Variants in ZNF81 observed in about 807,000 individuals in gnomAD.
ZNF81 encodes the protein zinc finger protein 81 (HFZ20).
In ZNF81, 5 loss-of-function variants were observed where a neutral mutation model predicts 32.3. The observed-to-expected ratio is 0.15, with a 90% CI of 0.08 to 0.33. ZNF81 has a LOEUF of 0.33. Ranked by LOEUF, ZNF81 falls within the 10% of genes least tolerant of loss-of-function variation. The pLI, the probability that ZNF81 is intolerant of heterozygous loss-of-function variation, is 1.00. For synonymous variants in ZNF81, 163 were observed against 166.8 expected (o/e 0.98, Z 0.17); for missense variants, 379 against 479.8 (o/e 0.79, Z 1.96).
chrX:47,863,561 T>C (rs1352918285), intron 2 of ZNF81, among the ~76,000 whole-genome samples: 1 of 112,245 alleles, frequency 8.9e-6, no homozygotes, highest in Non-Finnish European at 1.9e-5. Context: ...TTCCAAATTC[T>C]GGCCAGGAGA....
At chrX:47,896,642 TG>T (rs2058680818) in intron 4 of ZNF81, among the ~76,000 whole-genome samples, 1 of 111,898 alleles carries the variant, frequency 8.9e-6, no homozygotes, top group African/African-American at 3.2e-5. Flanking sequence ...GACAGTTTGA[TG>T]AGTTTTGATA....
chrX:47,865,778 C>G (rs1556883200), intron 2 of ZNF81, among the ~76,000 whole-genome samples: 1 of 111,693 alleles, frequency 9.0e-6, no homozygotes, highest in Non-Finnish European at 1.9e-5. Flanking sequence ...GAGATTTTTC[C>G]TTGACTGAAA....
At chrX:47,865,731 T>C (rs1433935891) in intron 2 of ZNF81, among the ~76,000 whole-genome samples, 1 of 111,849 alleles carries the variant, frequency 8.9e-6, no homozygotes, top group African/African-American at 3.3e-5. Context: ...ATGGTCTCTT[T>C]TGGGGCTTTC....
Position 47,918,139 on chromosome X carries a change from AAG to A in ZNF81, c.*1513_*1514del, listed in dbSNP as rs2058763859. On this transcript the variant is annotated 3_prime_UTR_variant, in exon 5 of 5. Coordinates refer to ENST00000338637, the MANE Select transcript of ZNF81 (RefSeq NM_007137.5). Reference sequence around the variant, plus strand: ...TTAGCTGCATATGATACGATACAGAAAGAGAGAAATGAACTAAAGAAATAACT... The same window carrying A: ...TTAGCTGCATATGATACGATACAGAAAGAGAAATGAACTAAAGAAATAACT... The A allele has an allele frequency of 9.0e-6, 1 of 110,923 alleles. No individual in the cohort carries two copies. Among genetic ancestry groups the A allele is most frequent in the Non-Finnish European group, 1.9e-5 (1 of 53,043 alleles). 9.1% of individuals were successfully genotyped at this position (110,923 alleles called of 1,213,427 possible).
At chrX:47,905,299 T>C (rs1277727524) in intron 4 of ZNF81, among the ~76,000 whole-genome samples, 1 of 104,643 alleles carries the variant, frequency 9.6e-6, no homozygotes, top group Non-Finnish European at 2.0e-5. Flanking sequence ...TAATCCCAGC[T>C]GCTCGAGAGG....
chrX:47,877,874 A>G (rs1357432090), intron 2 of ZNF81, among the ~76,000 whole-genome samples: 1 of 111,814 alleles, frequency 8.9e-6, no homozygotes, highest in African/African-American at 3.3e-5. Context: ...TATAGATCCA[A>G]TACGGGGCAG....
chrX:47,841,106 C>G (rs2148001690), intron 1 of ZNF81: 1 of 863,111 alleles, frequency 1.2e-6, no homozygotes, highest in South Asian at 2.0e-5. Context: ...GAGATCTCCT[C>G]GAAATGTTTC....
intron 2 of ZNF81, among the ~76,000 whole-genome samples, chrX:47,847,288 T>TA (rs1202646609): frequency 1.8e-5 from 2 of 111,206 alleles, no homozygotes; most frequent in Admixed American, 1.9e-4. Context: ...GATCATAGCT[T>TA]ACTGCAACCT....
chrX:47,855,195 AAAC>A (rs2058511878), intron 2 of ZNF81, among the ~76,000 whole-genome samples: 1 of 110,002 alleles, frequency 9.1e-6, no homozygotes, highest in African/African-American at 3.3e-5. Context: ...AAAAATAAAA[AAAC>A]CCCCAAATCT....
chrX:47,897,694 T>A (rs1470008416), intron 4 of ZNF81, among the ~76,000 whole-genome samples: 1 of 112,177 alleles, frequency 8.9e-6, no homozygotes, highest in Non-Finnish European at 1.9e-5. Flanking sequence ...TTCAGTTAGG[T>A]CTGTGATTCA....
chrX:47,908,500 A>G (rs1474042746), intron 4 of ZNF81, among the ~76,000 whole-genome samples: 1 of 112,110 alleles, frequency 8.9e-6, no homozygotes, highest in Non-Finnish European at 1.9e-5. Context: ...CTAAATGTAC[A>G]CCAATTCTGT....
chrX:47,848,168 G>A (rs1025077412), intron 2 of ZNF81, among the ~76,000 whole-genome samples: 1 of 111,540 alleles, frequency 9.0e-6, no homozygotes, highest in East Asian at 2.8e-4. Flanking sequence ...GCCCGCCTCG[G>A]CCTCCCAAAG....
intron 2 of ZNF81, among the ~76,000 whole-genome samples, chrX:47,860,078 G>T (rs2058533315): frequency 9.1e-6 from 1 of 110,253 alleles, no homozygotes; most frequent in Non-Finnish European, 1.9e-5. Flanking sequence ...AACATCTGTT[G>T]TTCTAATATT....
chrX:47,841,004 G>A lies in ZNF81; in HGVS notation c.-164+4017G>A, dbSNP rs2058447058. The A allele has an allele frequency of 4.2e-5, 34 of 808,306 alleles. No individual in the cohort carries two copies. The South Asian group carries it at 6.9e-4, about 16-fold the overall frequency. The allele number at this position is 808,306 out of a possible 1,213,427, so 66.6% of individuals were successfully genotyped here. On this transcript the variant is annotated intron_variant, in intron 1 of 4. Transcript: ENST00000338637. ...ATGAGCAGATTGATGTGTTCACCCCGATAGCCAGGTGTGCCCGTCTCCTTG... is the reference window on the plus strand; with the variant it reads ...ATGAGCAGATTGATGTGTTCACCCCAATAGCCAGGTGTGCCCGTCTCCTTG...
intron 2 of ZNF81, among the ~76,000 whole-genome samples, chrX:47,865,629 A>G (rs1371345758): frequency 2.7e-5 from 3 of 111,706 alleles, no homozygotes; most frequent in Non-Finnish European, 3.8e-5. Context: ...GCCCCACTCA[A>G]AGGACATTGG....
rs781804793 is a variant in ZNF81, at chrX:47,895,947, G to T, written c.277+7G>T. 4 of 1,184,598 alleles carry T rather than the reference G, an allele frequency of 3.4e-6. No homozygotes were observed. The East Asian group carries it at 1.2e-4, about 35-fold the overall frequency. The stretch of plus-strand genomic sequence containing the variant: ...CCACATCAGAGCTGTTCAGGTGAGT[G>T]GGTGTGACCCAGGCAGATGGGGACA... On this transcript the variant is annotated splice_region_variant and intron_variant, in intron 4 of 4. Transcript: ENST00000338637.
chrX:47,852,729 A>G (rs944332514), intron 2 of ZNF81, among the ~76,000 whole-genome samples: 3 of 112,658 alleles, frequency 2.7e-5, no homozygotes, highest in African/African-American at 9.7e-5. Flanking sequence ...AAAGTCATCC[A>G]TGAGGATTGG....
At chrX:47,864,190 GAGTCA>G (rs2058551663) in intron 2 of ZNF81, among the ~76,000 whole-genome samples, 8 of 111,441 alleles carry the variant, frequency 7.2e-5, no homozygotes, top group African/African-American at 2.6e-4. Flanking sequence ...AAGTCCTTTT[GAGTCA>G]GTTTTTGAGG....
intron 2 of ZNF81, among the ~76,000 whole-genome samples, chrX:47,858,278 C>T (rs1556882114): frequency 8.9e-6 from 1 of 111,858 alleles, no homozygotes; most frequent in African/African-American, 3.3e-5. Context: ...GTCAAGCATC[C>T]CACACTTCCA....
Sources: allele counts gnomAD v4.1 joint callset (sites outside exome capture counted in the v4.1 genomes callset), GRCh38; gene constraint gnomAD v4.1.1; transcripts MANE v1.5; gene names NCBI Gene and HGNC (gene_info 2026-07-23, HGNC 2026-07-21).